Variants in GFM2 observed in about 807,000 individuals in gnomAD.
GFM2 encodes the protein ribosome-releasing factor 2, mitochondrial.
A neutral mutation model predicts 95.4 loss-of-function variants in GFM2; 72 were observed. The observed-to-expected ratio is 0.76, with a 90% CI of 0.62 to 0.92. GFM2 has a LOEUF of 0.92. Among genes scored for constraint, GFM2 ranks in the 40% least tolerant of loss-of-function variants. GFM2 has a pLI of 0.00. For missense variants in GFM2, 825 were observed against 924.1 expected, an observed-to-expected ratio of 0.89 and a Z score of 1.39; for synonymous variants, 276 against 317.5, an observed-to-expected ratio of 0.87 and a Z score of 1.39.
chr5:74,737,763 T>G (rs1004160079), intron 14 of GFM2, among the ~76,000 whole-genome samples: 1 of 152,168 alleles, frequency 6.6e-6, no homozygotes, highest in African/African-American at 2.4e-5. Context: ...AAATGAAATA[T>G]CCTTAGTTTT....
Position 74,722,580 on chromosome 5 carries a change from GTTAAC to G in GFM2, c.2029-24_2029-20del, listed in dbSNP as rs778101294. ...TCAGAGCCTAAAGAAATTAAAGAAT[GTTAAC>G]TTATCTTTCATAAATAAAAACTTAA... On this transcript the variant is annotated intron_variant, in intron 19 of 20. Coordinates refer to ENST00000296805, the MANE Select transcript of GFM2 (RefSeq NM_032380.5). 1.9e-6 allele frequency: 3 copies of G among 1,583,808 alleles called. No homozygotes were observed. Among genetic ancestry groups the G allele is most frequent in the East Asian group, 2.2e-5 (1 of 44,728 alleles).
chr5:74,762,326 C>CT (rs1256994359), intron 2 of GFM2, among the ~76,000 whole-genome samples: 3 of 152,236 alleles, frequency 2.0e-5, no homozygotes, highest in African/African-American at 7.2e-5. Context: ...AGTACAGAAC[C>CT]TAATTACTAT....
chr5:74,722,388 T>A lies in GFM2; in HGVS notation c.2202A>T (p.Ala734=). 1.2e-6 allele frequency: 2 copies of A among 1,613,558 alleles called. No individual in the cohort carries two copies. The highest frequency in any genetic ancestry group is 8.5e-7 in the Non-Finnish European group (1 of 1,179,720). ...NKVVIGFVPL[A]EIMGYSTVLR... ...GTTACAAAGTACCTACCATAATTTC[T>A]GCTAAGGGAACAAATCCAATAACAA... Residue 734 remains alanine, a synonymous_variant, in exon 20 of 21, where the codon GCA becomes GCT. Coordinates refer to ENST00000296805, the MANE Select transcript of GFM2 (RefSeq NM_032380.5).
intron 10 of GFM2, among the ~76,000 whole-genome samples, chr5:74,743,813 C>T (rs1052976172): frequency 6.6e-6 from 1 of 152,190 alleles, no homozygotes; most frequent in African/African-American, 2.4e-5. Flanking sequence ...CAGATTCTAG[C>T]TCAGCCACTT....
At chr5:74,756,605 C>A (rs932344709) in intron 5 of GFM2, among the ~76,000 whole-genome samples, 2 of 152,082 alleles carry the variant, frequency 1.3e-5, no homozygotes, top group African/African-American at 4.8e-5. Flanking sequence ...GGAATCTCCA[C>A]ATTGTTTTGC....
intron 5 of GFM2, among the ~76,000 whole-genome samples, chr5:74,756,129 C>T (rs1214644318): frequency 6.6e-6 from 1 of 152,060 alleles, no homozygotes; most frequent in East Asian, 1.9e-4. Context: ...TCTCAATAGA[C>T]TCAGAAAAAG....
Position 74,745,809 on chromosome 5 carries a change from TTAC to T in GFM2, c.715_717del (p.Val239del), listed in dbSNP as rs1378169954. The T allele has an allele frequency of 6.2e-7, 1 of 1,612,912 alleles. No individual in the cohort carries two copies. The highest frequency in any genetic ancestry group is 1.3e-5 in the African/African-American group (1 of 74,916). ...CAATTCCAAAGAAGTTTTTCTTTCATTACTACATCCACCACTCCTTTGAAAGTT... is the reference window on the plus strand; with the variant it reads ...CAATTCCAAAGAAGTTTTTCTTTCATTACATCCACCACTCCTTTGAAAGTT... On this transcript the variant is annotated inframe_deletion, in exon 10 of 21. Coordinates refer to ENST00000296805, the MANE Select transcript of GFM2 (RefSeq NM_032380.5).
chr5:74,741,406 A>T, intron 11 of GFM2, 123 bp downstream of exon 11: 1 of 608,800 alleles, frequency 1.6e-6, no homozygotes, highest in African/African-American at 1.9e-5. Flanking sequence ...CCTAACTTTA[A>T]ACTTACCACT....
Position 74,738,304 on chromosome 5 carries a change from AT to A in GFM2, c.1320+13del. On this transcript the variant is annotated intron_variant, in intron 14 of 20. Transcript: ENST00000296805. ...TAAGCTGTTATTTCCTAGAGAAATC[AT>A]TTGGTCACTTACATGTTTAAGCCCA... The A allele has an allele frequency of 6.3e-7, 1 of 1,584,252 alleles. No individual in the cohort carries two copies. Among genetic ancestry groups the A allele is most frequent in the Non-Finnish European group, 8.6e-7 (1 of 1,160,346 alleles).
rs1300409015 is a variant in GFM2 at position 74,721,251 on chromosome 5, T to TA, written c.*403dup. The TA allele has an allele frequency of 1.5e-5, 17 of 1,170,812 alleles. No individual in the cohort carries two copies. The highest frequency in any genetic ancestry group is 1.9e-5 in the Non-Finnish European group (15 of 781,460). 72.5% of individuals were successfully genotyped at this position (1,170,812 alleles called of 1,614,324 possible). A position where few individuals can be genotyped will look rare whatever the true frequency, so the allele number is the denominator to read the frequency against. On this transcript the variant is annotated 3_prime_UTR_variant, in exon 21 of 21. Coordinates refer to ENST00000296805, the MANE Select transcript of GFM2 (RefSeq NM_032380.5). ...TTTGAAATCATGTAAAATAAGATAT[T>TA]AGACTGTTTTTTGAATAAAATATTT... is the stretch of plus-strand genomic sequence containing the variant.
At position 74,750,573 on chromosome 5, in the gene GFM2, AT is replaced by A. The variant is rs759080812; in HGVS notation, c.519+5del. 1 of 1,600,622 alleles carries A rather than the reference AT, an allele frequency of 6.2e-7. No homozygotes were observed. Among genetic ancestry groups the A allele is most frequent in the South Asian group, 1.1e-5 (1 of 90,602 alleles). On this transcript the variant is annotated splice_donor_5th_base_variant and intron_variant, in intron 7 of 20. Coordinates refer to ENST00000296805, the MANE Select transcript of GFM2 (RefSeq NM_032380.5). ...TAATTCCCTTTACTTTGGCAATATT[AT>A]TTACCTCTACACCAGCAGAGGCATC...
intron 10 of GFM2, among the ~76,000 whole-genome samples, chr5:74,743,043 A>T (rs1176767881): frequency 1.3e-5 from 2 of 152,188 alleles, no homozygotes; most frequent in Non-Finnish European, 2.9e-5. Flanking sequence ...ACTCTTTTCA[A>T]CTTGCAAAAC....
rs568852982 is a variant in GFM2 at position 74,759,594 on chromosome 5, T to A, written c.149-168A>T. ...CTAAAATTTATTTCCTTGCAATGTATAAGGAAAGCTATGGATGACAATAAA... is the reference window on the plus strand; with the variant it reads ...CTAAAATTTATTTCCTTGCAATGTAAAAGGAAAGCTATGGATGACAATAAA... On this transcript the variant is annotated intron_variant, in intron 3 of 20. Transcript: ENST00000296805. 7.9e-5 allele frequency among the ~76,000 whole-genome samples: 12 copies of A among 152,248 alleles called. 1 individual carries two copies. In the South Asian group the frequency reaches 2.5e-3, roughly 32 times the overall value.
chr5:74,759,857 G>A (rs1163443418), intron 3 of GFM2, among the ~76,000 whole-genome samples: 2 of 152,130 alleles, frequency 1.3e-5, no homozygotes, highest in African/African-American at 4.8e-5. Flanking sequence ...CATGTCAGCT[G>A]ATAATGAATT....
intron 17 of GFM2, among the ~76,000 whole-genome samples, chr5:74,727,749 G>A (rs539730276): frequency 1.7e-4 from 26 of 151,882 alleles, no homozygotes; most frequent in African/African-American, 5.6e-4. Context: ...CCTTTCTTAT[G>A]TTTTATTTCA....
rs754664678 is a variant in GFM2, at chr5:74,721,698, T to C, written c.2297A>G (p.Gln766Arg). ...CCGGTTGAGCAGTGTATTTTGATCTTGAGGATTCATGGCTTGATAAGTAGA... is the reference window on the plus strand; with the variant it reads ...CCGGTTGAGCAGTGTATTTTGATCTCGAGGATTCATGGCTTGATAAGTAGA... ...ELSTYQAMNP[Q>R]DQNTLLNRRS... The change falls in exon 21 of 21, where the codon CAA becomes CGA. Residue 766 changes from glutamine (Q) to arginine (R), a missense_variant. Physicochemically the swap from Gln to Arg is conservative, Grantham distance 43. Coordinates refer to ENST00000296805, the MANE Select transcript of GFM2 (RefSeq NM_032380.5). 1 of 1,613,734 alleles carries C rather than the reference T, an allele frequency of 6.2e-7. No homozygotes were observed. The highest frequency in any genetic ancestry group is 1.7e-5 in the Admixed American group (1 of 59,944).
intron 7 of GFM2, among the ~76,000 whole-genome samples, chr5:74,748,660 T>C (rs1031609581): frequency 4.0e-5 from 6 of 151,822 alleles, no homozygotes; most frequent in Admixed American, 3.9e-4. Flanking sequence ...AGGTCAGAAG[T>C]TCAAGACCAG....
chr5:74,757,336 TTC>T (rs1561261385), intron 5 of GFM2, among the ~76,000 whole-genome samples: 1 of 151,734 alleles, frequency 6.6e-6, no homozygotes, highest in Admixed American at 6.5e-5. Flanking sequence ...GATCTTGATA[TTC>T]TCTTTTTTAA....
At chr5:74,765,319 G>C (rs1179313414) in intron 1 of GFM2, among the ~76,000 whole-genome samples, 1 of 152,094 alleles carries the variant, frequency 6.6e-6, no homozygotes, top group African/African-American at 2.4e-5. Context: ...TTAATGCAGT[G>C]AACAAAAGAC....
Sources: allele counts gnomAD v4.1 joint callset (sites outside exome capture counted in the v4.1 genomes callset), GRCh38; gene constraint gnomAD v4.1.1; transcripts MANE v1.5; gene names NCBI Gene and HGNC (gene_info 2026-07-23, HGNC 2026-07-21).